ITSN2: variants seen among roughly 807,000 people sequenced by gnomAD.
ITSN2 encodes the protein intersectin 2.
In ITSN2, 156 loss-of-function variants were observed where a neutral mutation model predicts 243.7. That is an observed-to-expected ratio of 0.64 (90% CI 0.56 to 0.73). ITSN2 has a LOEUF of 0.73. Among genes scored for constraint, ITSN2 ranks in the 30% least tolerant of loss-of-function variants. The pLI is 0.00. For synonymous variants in ITSN2, 703 were observed against 699.9 expected (o/e 1.00, Z -0.07); for missense variants, 1,801 against 1,996.1 (o/e 0.90, Z 1.86).
chr2:24,303,725 G>T, intron 9 of ITSN2, 74 bp downstream of exon 9: 2 of 957,816 alleles, frequency 2.1e-6, no homozygotes, highest in Non-Finnish European at 3.4e-6. Flanking sequence ...TATCTTTCTT[G>T]TAATAGGGGA....
At chr2:24,313,438 G>A in intron 4 of ITSN2, 22 bp downstream of exon 4, 1 of 1,594,788 alleles carries the variant, frequency 6.3e-7, no homozygotes, top group Non-Finnish European at 8.6e-7. Context: ...AGAAAATTAG[G>A]TTCATCTACA....
chr2:24,305,015 A>AATC (rs1682306603), intron 8 of ITSN2, among the ~76,000 whole-genome samples: 1 of 152,224 alleles, frequency 6.6e-6, no homozygotes, highest in East Asian at 1.9e-4. Context: ...ATCTGGCTCT[A>AATC]ATCTCTTTTC....
chr2:24,216,052 T>C lies in ITSN2; in HGVS notation c.3987A>G (p.Leu1329=). ...TDEDTDFKEF[L]KKLASDPRCK... ...GCAAGGCCCAGAATGGAATTACCTTTAAAAATTCTTTGAAATCTGTGTCTT... is the reference window on the plus strand; with the variant it reads ...GCAAGGCCCAGAATGGAATTACCTTCAAAAATTCTTTGAAATCTGTGTCTT... Residue 1329 remains leucine, a synonymous_variant, in exon 32 of 40, where the codon TTA becomes TTG. Transcript: ENST00000355123. 6.3e-7 allele frequency: 1 copy of C among 1,592,340 alleles called. No individual in the cohort carries two copies. The highest frequency in any genetic ancestry group is 8.6e-7 in the Non-Finnish European group (1 of 1,167,812).
intron 1 of ITSN2, among the ~76,000 whole-genome samples, chr2:24,336,057 T>C (rs1234565338): frequency 6.6e-6 from 1 of 151,362 alleles, no homozygotes; most frequent in Non-Finnish European, 1.5e-5. Flanking sequence ...CTGGCTAACA[T>C]GGTGGAACCC....
At chr2:24,269,910 G>C (rs1677134441) in intron 20 of ITSN2, among the ~76,000 whole-genome samples, 1 of 152,176 alleles carries the variant, frequency 6.6e-6, no homozygotes, top group Non-Finnish European at 1.5e-5. Flanking sequence ...CCCCTGCTCG[G>C]GCACAGCTCC....
intron 1 of ITSN2, among the ~76,000 whole-genome samples, chr2:24,353,095 T>C (rs969132065): frequency 2.0e-5 from 3 of 152,194 alleles, no homozygotes; most frequent in Non-Finnish European, 4.4e-5. Context: ...CTATATCATC[T>C]ATATAACAAA....
intron 17 of ITSN2, among the ~76,000 whole-genome samples, chr2:24,278,384 A>C (rs747796250): frequency 6.6e-6 from 1 of 152,220 alleles, no homozygotes; most frequent in Non-Finnish European, 1.5e-5. Flanking sequence ...CAGAGAGTCT[A>C]GTACAACATG....
chr2:24,253,334 T>TGTAATC (rs369910214), intron 24 of ITSN2, among the ~76,000 whole-genome samples: 148,896 of 152,256 alleles, frequency 0.98, 72,802 homozygotes, highest in East Asian at 0.99. Context: ...TCAAAGTGAT[T>TGTAATC]ACAAGGTTTA....
chr2:24,314,654 T>C (rs1217999916), intron 3 of ITSN2, among the ~76,000 whole-genome samples: 1 of 152,120 alleles, frequency 6.6e-6, no homozygotes, highest in African/African-American at 2.4e-5. Flanking sequence ...AAAGTTTAAT[T>C]AATAGAAAAA....
chr2:24,268,657 C>A (rs1676963859), intron 20 of ITSN2, among the ~76,000 whole-genome samples: 1 of 151,902 alleles, frequency 6.6e-6, no homozygotes, highest in African/African-American at 2.4e-5. Flanking sequence ...AAAAAACAAT[C>A]TTTATCAGTT....
intron 1 of ITSN2, among the ~76,000 whole-genome samples, chr2:24,351,277 G>T (rs528878573): frequency 6.6e-6 from 1 of 152,040 alleles, no homozygotes; most frequent in South Asian, 2.1e-4. Context: ...TTGTTTTCAC[G>T]CCTGCCCCGC....
chr2:24,248,790 ACAGAG>A (rs1427823391), intron 26 of ITSN2, 40 bp from the exon 27 acceptor site: 1 of 1,613,204 alleles, frequency 6.2e-7, no homozygotes, highest in African/African-American at 1.3e-5. Context: ...CAAGATTGCG[ACAGAG>A]CAAACACGTT....
intron 15 of ITSN2, among the ~76,000 whole-genome samples, chr2:24,289,926 C>A (rs1275942218): frequency 6.6e-6 from 1 of 152,120 alleles, no homozygotes. Context: ...TCAGTTTACC[C>A]CCATTGATTA....
chr2:24,210,960 G>T lies in ITSN2; in HGVS notation c.4090-13C>A. 6.2e-7 allele frequency: 1 copy of T among 1,613,506 alleles called. No individual in the cohort carries two copies. Among genetic ancestry groups the T allele is most frequent in the Non-Finnish European group, 8.5e-7 (1 of 1,179,498 alleles). On this transcript the variant is annotated splice_polypyrimidine_tract_variant and intron_variant, in intron 33 of 39. Transcript: ENST00000355123. ...TGTTCTCCAGAATCTGGAAAAGAGT[G>T]GGCAGTGTCACATGGGGGAGCTGCG...
At chr2:24,262,007 C>T (rs1391965689) in intron 20 of ITSN2, among the ~76,000 whole-genome samples, 3 of 152,104 alleles carry the variant, frequency 2.0e-5, no homozygotes, top group Non-Finnish European at 4.4e-5. Flanking sequence ...GAAAACAATC[C>T]TCCCCTATCT....
chr2:24,340,673 C>T (rs982311980), intron 1 of ITSN2, among the ~76,000 whole-genome samples: 7 of 151,850 alleles, frequency 4.6e-5, no homozygotes, highest in Admixed American at 4.6e-4. Flanking sequence ...ATTATGTAGC[C>T]CGTTGTGTCT....
intron 20 of ITSN2, among the ~76,000 whole-genome samples, chr2:24,262,845 C>T (rs1454670952): frequency 6.6e-6 from 1 of 152,094 alleles, no homozygotes; most frequent in East Asian, 1.9e-4. Context: ...CTCCTAAATT[C>T]CTCTATTATT....
intron 29 of ITSN2, among the ~76,000 whole-genome samples, chr2:24,242,680 C>G (rs1672866241): frequency 6.6e-6 from 1 of 152,192 alleles, no homozygotes; most frequent in South Asian, 2.1e-4. Context: ...AATCGGTACG[C>G]CTCACTTTCC....
In ITSN2 at chr2:24,204,196, T is replaced by C. The variant is rs1382939731; in HGVS notation, c.4936+49A>G. On this transcript the variant is annotated intron_variant, in intron 39 of 39. Transcript: ENST00000355123. The surrounding 1 kb of genome is among the most constrained non-coding windows in gnomAD (Gnocchi z 5.1). ...AAGCCCCTAGATCTGGACTCCAGGA[T>C]CTAGGAAACTGGGAAAGCCTTTAGA... is the stretch of plus-strand genomic sequence containing the variant. 1 of 1,593,068 alleles carries C rather than the reference T, an allele frequency of 6.3e-7. No individual in the cohort carries two copies. The highest frequency in any genetic ancestry group is 1.7e-5 in the Admixed American group (1 of 59,864).
Sources: gnomAD v4.1 joint callset for allele counts (sites outside exome capture counted in the v4.1 genomes callset) on GRCh38, gnomAD v4.1.1 for gene constraint, Gnocchi (gnomAD v3.1) non-coding constraint, MANE v1.5 for transcripts, NCBI Gene and HGNC (gene_info 2026-07-23, HGNC 2026-07-21) for gene names.